The following MAGI1 variants were observed in gnomAD, a reference collection of about 807,000 sequenced individuals.
The protein encoded by MAGI1 is membrane associated guanylate kinase, WW and PDZ domain containing 1, also known as membrane-associated guanylate kinase, WW and PDZ domain-containing protein 1.
MAGI1 carries 58 observed loss-of-function variants against 139.9 expected under a neutral mutation model. That is an observed-to-expected ratio of 0.41 (90% CI 0.34 to 0.52). The LOEUF is 0.52. Ranked by LOEUF, MAGI1 falls within the 20% of genes least tolerant of loss-of-function variation. The pLI is 0.12. For missense variants in MAGI1, 1,874 were observed against 1,901.6 expected, an observed-to-expected ratio of 0.99 and a Z score of 0.27; for synonymous variants, 812 against 737.9, an observed-to-expected ratio of 1.10 and a Z score of -1.63.
intron 1 of MAGI1, among the ~76,000 whole-genome samples, chr3:65,833,461 C>T (rs529456565): frequency 6.6e-5 from 10 of 152,224 alleles, no homozygotes; most frequent in East Asian, 1.9e-4. Flanking sequence ...ACAATCTCTC[C>T]GGCTTCCCCA....
intron 2 of MAGI1, among the ~76,000 whole-genome samples, chr3:65,605,782 A>AGG (rs2082710438): frequency 1.3e-5 from 2 of 152,216 alleles, no homozygotes; most frequent in African/African-American, 4.8e-5. Context: ...TAGATTACTT[A>AGG]TATAGGAAAC....
intron 1 of MAGI1, among the ~76,000 whole-genome samples, chr3:65,926,885 C>T (rs1342427622): frequency 6.6e-6 from 1 of 152,102 alleles, no homozygotes; most frequent in East Asian, 1.9e-4. Flanking sequence ...ACCCCAGCTA[C>T]TCAAGAGGCT....
intron 1 of MAGI1, among the ~76,000 whole-genome samples, chr3:65,809,665 C>T (rs1273451728): frequency 6.6e-6 from 1 of 152,174 alleles, no homozygotes; most frequent in African/African-American, 2.4e-5. Context: ...AGTGACATGG[C>T]CAGCCCTGGA....
chr3:65,791,886 C>T (rs1161935168), intron 1 of MAGI1, among the ~76,000 whole-genome samples: 1 of 152,106 alleles, frequency 6.6e-6, no homozygotes, highest in African/African-American at 2.4e-5. Context: ...ATGCAATTGC[C>T]TTCAGGTGCC....
intron 5 of MAGI1, among the ~76,000 whole-genome samples, chr3:65,466,858 G>A (rs909771482): frequency 6.6e-6 from 1 of 152,198 alleles, no homozygotes; most frequent in Non-Finnish European, 1.5e-5. Context: ...TAGTCCCACA[G>A]CCTGTCAAGC....
At chr3:65,789,313 C>G (rs1022009881) in intron 1 of MAGI1, among the ~76,000 whole-genome samples, 11 of 152,170 alleles carry the variant, frequency 7.2e-5, no homozygotes, top group Non-Finnish European at 1.2e-4. Flanking sequence ...ACCCCCACCA[C>G]TCCCAAAGGA....
rs561220734 is a variant in MAGI1, at chr3:65,488,831, C to T, written c.550+4681G>A. ...GGATTACAGGTGCACGCCACCGTGC[C>T]CAGCTCATTTTTGTATTTTTTTATA... On this transcript the variant is annotated intron_variant, in intron 3 of 22. Coordinates refer to ENST00000402939, the MANE Select transcript of MAGI1 (RefSeq NM_001033057.2). Among the ~76,000 whole-genome samples the T allele has an allele frequency of 3.4e-4, 51 of 151,814 alleles. 1 individual carries two copies. Among genetic ancestry groups the T allele is most frequent in the African/African-American group, 1.2e-3 (50 of 41,378 alleles).
chr3:65,920,027 C>T (rs181050927), intron 1 of MAGI1, among the ~76,000 whole-genome samples: 210 of 152,288 alleles, frequency 1.4e-3, no homozygotes, highest in African/African-American at 4.8e-3. Flanking sequence ...ACAAACTTCT[C>T]GCAATGACCC....
intron 2 of MAGI1, among the ~76,000 whole-genome samples, chr3:65,554,128 G>C (rs921202354): frequency 6.6e-6 from 1 of 152,004 alleles, no homozygotes; most frequent in Admixed American, 6.5e-5. Context: ...CATAAAAAGG[G>C]TAAGTTTTGT....
At chr3:65,652,709 C>G (rs751059880) in intron 1 of MAGI1, among the ~76,000 whole-genome samples, 1 of 152,160 alleles carries the variant, frequency 6.6e-6, no homozygotes, top group Non-Finnish European at 1.5e-5. Flanking sequence ...CCTATGACCA[C>G]ATTTTAGGAA....
At chr3:65,499,166 GA>G (rs76525207) in intron 2 of MAGI1, 292 of 293,398 alleles carry the variant, frequency 1.0e-3, no homozygotes, top group Middle Eastern at 3.3e-3. Context: ...TGGTCTCTAG[GA>G]AAAAAAAAAT....
intron 1 of MAGI1, among the ~76,000 whole-genome samples, chr3:65,937,475 G>A (rs1203425800): frequency 1.3e-5 from 2 of 152,098 alleles, no homozygotes; most frequent in Non-Finnish European, 2.9e-5. Flanking sequence ...CAGAGAAAGA[G>A]AGAGGTTGTG....
chr3:65,568,352 T>C (rs1236494924), intron 2 of MAGI1, among the ~76,000 whole-genome samples: 1 of 152,156 alleles, frequency 6.6e-6, no homozygotes, highest in Non-Finnish European at 1.5e-5. Context: ...AGAAAGCCCT[T>C]GTTATATCCA....
In MAGI1 at chr3:65,442,852, G is replaced by GA. The variant is rs781341297; in HGVS notation, c.1079-4dup. 6.2e-7 allele frequency: 1 copy of GA among 1,612,152 alleles called. No homozygotes were observed. The highest frequency in any genetic ancestry group is 8.5e-7 in the Non-Finnish European group (1 of 1,178,730). On this transcript the variant is annotated splice_polypyrimidine_tract_variant and splice_region_variant and intron_variant, in intron 7 of 22. Coordinates refer to ENST00000402939, the MANE Select transcript of MAGI1 (RefSeq NM_001033057.2). ...CTTTTCCCAACCAGCAGGCAGTTCT[G>GA]AAAAATAAAAGAACATTTAGGGCAA...
chr3:65,951,344 A>G (rs1223541664), intron 1 of MAGI1, among the ~76,000 whole-genome samples: 2 of 152,326 alleles, frequency 1.3e-5, no homozygotes, highest in East Asian at 3.9e-4. Context: ...AAAATACTCA[A>G]TGCTGTTAGT....
intron 1 of MAGI1, among the ~76,000 whole-genome samples, chr3:65,865,634 T>TTTTTG (rs370296702): frequency 0.044 from 6,771 of 152,160 alleles, 211 homozygotes; most frequent in Non-Finnish European, 0.064. Context: ...TGCAAGTGTT[T>TTTTTG]TTTTGTTTTG....
At chr3:65,707,865 A>G (rs1445297654) in intron 1 of MAGI1, among the ~76,000 whole-genome samples, 1 of 152,210 alleles carries the variant, frequency 6.6e-6, no homozygotes, top group Non-Finnish European at 1.5e-5. Flanking sequence ...AAAGCAAGCC[A>G]ATAAAATTAG....
intron 2 of MAGI1, among the ~76,000 whole-genome samples, chr3:65,504,127 T>C (rs527397162): frequency 1.3e-5 from 2 of 152,218 alleles, no homozygotes; most frequent in Non-Finnish European, 2.9e-5. Context: ...CCAGTCTTGA[T>C]CCAGCTCTGC....
intron 1 of MAGI1, among the ~76,000 whole-genome samples, chr3:65,971,756 T>A (rs1274986247): frequency 6.6e-6 from 1 of 152,208 alleles, no homozygotes; most frequent in Non-Finnish European, 1.5e-5. Flanking sequence ...CCCAGCTTCC[T>A]GCCTGACACA....
Sources: gnomAD v4.1 joint callset for allele counts (sites outside exome capture counted in the v4.1 genomes callset) on GRCh38, gnomAD v4.1.1 for gene constraint, MANE v1.5 for transcripts, NCBI Gene and HGNC (gene_info 2026-07-23, HGNC 2026-07-21) for gene names.